Variants in ANK3 observed in about 807,000 individuals in gnomAD.
ANK3 encodes ankyrin 3.
A neutral mutation model predicts 370.9 loss-of-function variants in ANK3; 57 were observed. The observed-to-expected ratio is 0.15, with a 90% CI of 0.12 to 0.19. ANK3 has a LOEUF of 0.19. ANK3 is among the 10% of genes least tolerant of loss of function. The pLI, the probability that ANK3 is intolerant of heterozygous loss-of-function variation, is 1.00. For synonymous variants in ANK3, 1,929 were observed against 1,946.3 expected, an observed-to-expected ratio of 0.99 and a Z score of 0.23; for missense variants, 4,439 against 5,302.1, an observed-to-expected ratio of 0.84 and a Z score of 5.06.
chr10:60,634,466 A>G (rs2078525091), intron 1 of ANK3, among the ~76,000 whole-genome samples: 1 of 152,136 alleles, frequency 6.6e-6, no homozygotes, highest in Non-Finnish European at 1.5e-5. Context: ...TAAACGGACC[A>G]ATCGGCACTC....
intron 1 of ANK3, among the ~76,000 whole-genome samples, chr10:60,373,936 G>C (rs1216143399): frequency 6.6e-6 from 1 of 152,164 alleles, no homozygotes; most frequent in Admixed American, 6.6e-5. Flanking sequence ...AAGAATTGCA[G>C]ATGAGTTAAT....
chr10:60,263,687 A>C, intron 6 of ANK3, 148 bp downstream of exon 6: 1 of 904,452 alleles, frequency 1.1e-6, no homozygotes, highest in Non-Finnish European at 1.7e-6. Context: ...CTGTGCCTTC[A>C]GTGGCTAGCT....
At chr10:60,251,920 A>G (rs2097673118) in intron 7 of ANK3, among the ~76,000 whole-genome samples, 1 of 152,288 alleles carries the variant, frequency 6.6e-6, no homozygotes, top group South Asian at 2.1e-4. Flanking sequence ...ATTCATCTTC[A>G]GTCTCATTTC....
At chr10:60,034,106 G>GTTTTTTT (rs61678524) in intron 43 of ANK3, among the ~76,000 whole-genome samples, 1 of 115,894 alleles carries the variant, frequency 8.6e-6, no homozygotes, top group African/African-American at 3.5e-5. Context: ...TTGTTTTTTG[G>GTTTTTTT]TTTTTTTTTT....
chr10:60,157,930 G>A (rs561207090), intron 23 of ANK3, among the ~76,000 whole-genome samples: 12 of 149,878 alleles, frequency 8.0e-5, no homozygotes, highest in African/African-American at 2.9e-4. Context: ...GAGAGGCAGC[G>A]GCAGGGAAGG....
chr10:60,327,787 A>G (rs2050246698), intron 1 of ANK3, among the ~76,000 whole-genome samples: 1 of 152,210 alleles, frequency 6.6e-6, no homozygotes, highest in Non-Finnish European at 1.5e-5. Flanking sequence ...TCAGATTTAA[A>G]AAATGCCAGT....
At chr10:60,576,891 C>G (rs888656686) in intron 2 of ANK3, among the ~76,000 whole-genome samples, 8 of 152,220 alleles carry the variant, frequency 5.3e-5, no homozygotes, top group African/African-American at 1.9e-4. Flanking sequence ...AGAAGCAATT[C>G]TACCAACTGC....
intron 2 of ANK3, among the ~76,000 whole-genome samples, chr10:60,420,828 T>C (rs770819399): frequency 8.5e-5 from 13 of 152,066 alleles, no homozygotes; most frequent in Non-Finnish European, 1.6e-4. Context: ...AGAATTACCC[T>C]ATTACCTAGC....
intron 43 of ANK3, among the ~76,000 whole-genome samples, chr10:60,036,121 G>A (rs1368806873): frequency 6.6e-6 from 1 of 152,070 alleles, no homozygotes; most frequent in East Asian, 1.9e-4. Context: ...AAGGATACCT[G>A]TTGTACTAAC....
intron 2 of ANK3, among the ~76,000 whole-genome samples, chr10:60,443,260 A>C (rs2064345524): frequency 6.6e-6 from 1 of 152,164 alleles, no homozygotes; most frequent in Non-Finnish European, 1.5e-5. Flanking sequence ...TAAAGGTGGG[A>C]AAACATAAAG....
rs574029486 is a variant in ANK3 at position 60,305,997 on chromosome 10, T to C, written c.115-26358A>G. On this transcript the variant is annotated intron_variant, in intron 1 of 43. Coordinates refer to ENST00000280772, the MANE Select transcript of ANK3 (RefSeq NM_020987.5). ...CAATATGTAAAAATACATTTTTTTT[T>C]CACAGAAAATAAACTGAAGAAATCA... is the stretch of plus-strand genomic sequence containing the variant. Among the ~76,000 whole-genome samples the C allele has an allele frequency of 2.4e-4, 36 of 152,286 alleles. No homozygotes were observed. The East Asian group carries it at 6.7e-3, about 29-fold the overall frequency.
At chr10:60,567,045 G>A (rs1314177917) in intron 2 of ANK3, among the ~76,000 whole-genome samples, 2 of 152,226 alleles carry the variant, frequency 1.3e-5, no homozygotes, top group Non-Finnish European at 2.9e-5. Flanking sequence ...TAACATAAAA[G>A]TGCAAAGTGA....
chr10:60,372,038 A>T (rs536697529), intron 1 of ANK3, among the ~76,000 whole-genome samples: 3 of 152,352 alleles, frequency 2.0e-5, no homozygotes, highest in Admixed American at 6.5e-5. Context: ...AGAATATTAG[A>T]GGGAAAAAGC....
chr10:60,239,376 T>A (rs879554430), intron 7 of ANK3, among the ~76,000 whole-genome samples: 1 of 151,468 alleles, frequency 6.6e-6, no homozygotes, highest in Admixed American at 6.6e-5. Flanking sequence ...AAAGGAACAA[T>A]CTCGATGGTA....
At chr10:60,690,846 T>C (rs537309017) in intron 1 of ANK3, among the ~76,000 whole-genome samples, 2 of 152,140 alleles carry the variant, frequency 1.3e-5, no homozygotes. Context: ...GGCTACAGCA[T>C]CGATAGGAGC....
intron 2 of ANK3, among the ~76,000 whole-genome samples, chr10:60,608,118 C>T (rs1045389250): frequency 2.6e-5 from 4 of 152,148 alleles, no homozygotes; most frequent in African/African-American, 9.7e-5. Flanking sequence ...CTACTTTGAA[C>T]CTCTGCTCCC....
chr10:60,152,457 T>A (rs945107452), intron 23 of ANK3, among the ~76,000 whole-genome samples: 6 of 152,048 alleles, frequency 3.9e-5, no homozygotes, highest in African/African-American at 9.7e-5. Flanking sequence ...AATTAATGAC[T>A]AATAAAATGA....
intron 1 of ANK3, among the ~76,000 whole-genome samples, chr10:60,388,390 C>A (rs2062713744): frequency 6.6e-6 from 1 of 152,160 alleles, no homozygotes; most frequent in Non-Finnish European, 1.5e-5. Flanking sequence ...GTGGGAGATG[C>A]AATCTGCATG....
chr10:60,363,014 C>A (rs2058847045), intron 1 of ANK3, among the ~76,000 whole-genome samples: 1 of 149,418 alleles, frequency 6.7e-6, no homozygotes, highest in Non-Finnish European at 1.5e-5. Flanking sequence ...CTTTTGCTAC[C>A]CTTTCCAGCA....
Sources: allele counts gnomAD v4.1 joint callset (sites outside exome capture counted in the v4.1 genomes callset), GRCh38; gene constraint gnomAD v4.1.1; transcripts MANE v1.5; gene names NCBI Gene and HGNC (gene_info 2026-07-23, HGNC 2026-07-21).